Variants in EXOC4 observed in about 807,000 individuals in gnomAD.
EXOC4 encodes exocyst complex component 4.
A neutral mutation model predicts 107.2 loss-of-function variants in EXOC4; 71 were observed. The ratio of observed to expected loss-of-function variants is 0.66; its 90% CI spans 0.55 to 0.81. The LOEUF is 0.81. Among genes scored for constraint, EXOC4 ranks in the 30% least tolerant of loss-of-function variants. The pLI is 0.00. For synonymous variants in EXOC4, 456 were observed against 441.2 expected (o/e 1.03, Z -0.42); for missense variants, 1,108 against 1,189.6 (o/e 0.93, Z 1.01).
chr7:133,832,406 T>A (rs187801934), intron 11 of EXOC4, among the ~76,000 whole-genome samples: 1 of 152,362 alleles, frequency 6.6e-6, no homozygotes, highest in Non-Finnish European at 1.5e-5. Context: ...CATGATGATA[T>A]CACACAGAAT....
chr7:133,793,023 C>CT (rs751103873), intron 10 of EXOC4, among the ~76,000 whole-genome samples: 28 of 151,852 alleles, frequency 1.8e-4, no homozygotes, highest in African/African-American at 4.6e-4. Context: ...ATCACCTTGG[C>CT]TTTTTTTTGC....
At chr7:133,968,452 T>G (rs1051411498) in intron 14 of EXOC4, among the ~76,000 whole-genome samples, 2 of 152,206 alleles carry the variant, frequency 1.3e-5, no homozygotes. Context: ...CTTTACAATT[T>G]GGTATGTTTT....
At chr7:133,610,632 A>G (rs973230297) in intron 9 of EXOC4, among the ~76,000 whole-genome samples, 1 of 151,906 alleles carries the variant, frequency 6.6e-6, no homozygotes, top group African/African-American at 2.4e-5. Context: ...TTTTTTTTAT[A>G]TTCTTGAATA....
chr7:133,336,386 C>T (rs935107672), intron 5 of EXOC4, among the ~76,000 whole-genome samples: 2 of 152,068 alleles, frequency 1.3e-5, no homozygotes, highest in African/African-American at 2.4e-5. Flanking sequence ...GGTCTATGCT[C>T]ATATATAGTT....
Position 134,029,553 on chromosome 7 carries a change from T to G in EXOC4, c.2687+21718T>G, listed in dbSNP as rs577962390. Among the ~76,000 whole-genome samples the G allele has an allele frequency of 2.6e-5, 4 of 152,324 alleles. No individual in the cohort carries two copies. In the South Asian group the frequency reaches 6.2e-4, roughly 24 times the overall value. ...TGCTTCATGAATGACAAGGTTTTACTCTGTCACCCAGGCTGGAGTGCAGTG... is the reference window on the plus strand; with the variant it reads ...TGCTTCATGAATGACAAGGTTTTACGCTGTCACCCAGGCTGGAGTGCAGTG... On this transcript the variant is annotated intron_variant, in intron 17 of 17. Transcript: ENST00000253861.
At chr7:133,500,983 A>G (rs547461404) in intron 9 of EXOC4, among the ~76,000 whole-genome samples, 4 of 152,244 alleles carry the variant, frequency 2.6e-5, no homozygotes, top group Admixed American at 6.5e-5. Flanking sequence ...ACTTGTGTCT[A>G]CCTCCATGAA....
intron 5 of EXOC4, among the ~76,000 whole-genome samples, chr7:133,349,738 C>T (rs758043764): frequency 3.3e-5 from 5 of 152,108 alleles, no homozygotes; most frequent in South Asian, 2.1e-4. Flanking sequence ...TTTGAGGAAC[C>T]GCAATATGGG....
intron 9 of EXOC4, among the ~76,000 whole-genome samples, chr7:133,492,645 ACTTT>A (rs1216337972): frequency 4.0e-5 from 6 of 151,718 alleles, no homozygotes; most frequent in Admixed American, 1.3e-4. Flanking sequence ...TGCAAATACT[ACTTT>A]CTTTTTTTTC....
chr7:133,829,950 A>C (rs2151235754), intron 11 of EXOC4, among the ~76,000 whole-genome samples: 1 of 152,216 alleles, frequency 6.6e-6, no homozygotes, highest in South Asian at 2.1e-4. Context: ...CTAGGCTTCT[A>C]GTTTCCCTTT....
At chr7:133,312,854 CAAGA>C (rs1269214229) in intron 4 of EXOC4, among the ~76,000 whole-genome samples, 2 of 151,554 alleles carry the variant, frequency 1.3e-5, no homozygotes, top group Admixed American at 1.3e-4. Flanking sequence ...TAAGTATTTT[CAAGA>C]AAGAATTTAC....
At chr7:133,675,455 G>A (rs1252355748) in intron 10 of EXOC4, among the ~76,000 whole-genome samples, 1 of 152,138 alleles carries the variant, frequency 6.6e-6, no homozygotes, top group East Asian at 1.9e-4. Flanking sequence ...ATTTGCTTTT[G>A]TAGATATTTG....
chr7:134,019,145 G>T (rs775460100), intron 17 of EXOC4, among the ~76,000 whole-genome samples: 36 of 152,190 alleles, frequency 2.4e-4, no homozygotes, highest in Non-Finnish European at 4.6e-4. Context: ...AGCCAGGATG[G>T]TCTCGATCTC....
intron 10 of EXOC4, among the ~76,000 whole-genome samples, chr7:133,653,095 C>CT (rs1434795072): frequency 6.6e-6 from 1 of 152,032 alleles, no homozygotes; most frequent in African/African-American, 2.4e-5. Flanking sequence ...ATTTTGAAAC[C>CT]TGAGGTTATA....
chr7:133,332,130 C>A (rs1463889281), intron 5 of EXOC4, among the ~76,000 whole-genome samples: 1 of 152,130 alleles, frequency 6.6e-6, no homozygotes, highest in Non-Finnish European at 1.5e-5. Context: ...TTTGTGGCCT[C>A]TTTATTCATT....
intron 6 of EXOC4, among the ~76,000 whole-genome samples, chr7:133,363,240 A>G (rs1477532172): frequency 6.6e-6 from 1 of 152,222 alleles, no homozygotes; most frequent in East Asian, 1.9e-4. Context: ...TTCAACTAGG[A>G]TATGTCCCCT....
intron 11 of EXOC4, among the ~76,000 whole-genome samples, chr7:133,845,873 G>A (rs1798116188): frequency 6.6e-6 from 1 of 152,078 alleles, no homozygotes; most frequent in African/African-American, 2.4e-5. Context: ...CCTTTTTCAG[G>A]GAGAATGTTG....
intron 9 of EXOC4, among the ~76,000 whole-genome samples, chr7:133,617,335 A>G (rs1167652672): frequency 6.6e-6 from 1 of 152,174 alleles, no homozygotes; most frequent in East Asian, 1.9e-4. Flanking sequence ...ACTGTTCCAT[A>G]AAGAGAGGGT....
intron 14 of EXOC4, among the ~76,000 whole-genome samples, chr7:133,957,623 T>G (rs898102259): frequency 1.3e-5 from 2 of 152,190 alleles, no homozygotes; most frequent in African/African-American, 4.8e-5. Context: ...TACCCACCCT[T>G]TATAAGGATT....
At chr7:133,425,337 G>C (rs1055417946) in intron 7 of EXOC4, among the ~76,000 whole-genome samples, 1 of 152,118 alleles carries the variant, frequency 6.6e-6, no homozygotes, top group Non-Finnish European at 1.5e-5. Flanking sequence ...ACCTAGGCTG[G>C]AGTGCAATGG....
Sources: gnomAD v4.1 joint callset for allele counts (sites outside exome capture counted in the v4.1 genomes callset) on GRCh38, gnomAD v4.1.1 for gene constraint, MANE v1.5 for transcripts, NCBI Gene and HGNC (gene_info 2026-07-23, HGNC 2026-07-21) for gene names.